Variants in PAPOLA observed in about 807,000 individuals in gnomAD.
PAPOLA encodes polynucleotide adenylyltransferase alpha.
A neutral mutation model predicts 100.6 loss-of-function variants in PAPOLA; 15 were observed. The observed-to-expected ratio is 0.15, with a 90% CI of 0.10 to 0.23. The LOEUF is 0.23. Ranked by LOEUF, PAPOLA falls within the 10% of genes least tolerant of loss-of-function variation. PAPOLA has a pLI of 1.00. For synonymous variants in PAPOLA, 293 were observed against 300.0 expected (o/e 0.98, Z 0.24); for missense variants, 533 against 884.2 (o/e 0.60, Z 5.04).
At chr14:96,510,005 G>C (rs1158852122) in intron 1 of PAPOLA, among the ~76,000 whole-genome samples, 5 of 138,344 alleles carry the variant, frequency 3.6e-5, no homozygotes, top group Non-Finnish European at 4.6e-5. Context: ...ATTGTATGTA[G>C]GCCTGCTGAA....
In PAPOLA at chr14:96,542,994, C is replaced by T. The variant is rs1900116298; in HGVS notation, c.1289+101C>T. On this transcript the variant is annotated intron_variant, in intron 14 of 21. Coordinates refer to ENST00000216277, the MANE Select transcript of PAPOLA (RefSeq NM_032632.5). Reference sequence around the variant, plus strand: ...ATAACTAGTATAACTATTCTGTTGACTACATATGGCTTATAGACAATTTAG... The same window carrying T: ...ATAACTAGTATAACTATTCTGTTGATTACATATGGCTTATAGACAATTTAG... 8.6e-6 allele frequency: 10 copies of T among 1,157,228 alleles called. 1 individual carries two copies. The South Asian group carries it at 1.1e-4, about 13-fold the overall frequency. The allele number at this position is 1,157,228 out of a possible 1,614,324, so 71.7% of individuals were successfully genotyped here.
intron 5 of PAPOLA, 45 bp downstream of exon 5, chr14:96,527,584 A>G (rs1027708021): frequency 3.9e-6 from 4 of 1,032,212 alleles, no homozygotes; most frequent in Non-Finnish European, 6.1e-6. Flanking sequence ...ATGAACATTC[A>G]TTTAGTCAGT....
chr14:96,549,325 T>C (rs1208299435), intron 16 of PAPOLA, among the ~76,000 whole-genome samples: 2 of 151,728 alleles, frequency 1.3e-5, no homozygotes, highest in African/African-American at 4.8e-5. Flanking sequence ...TTCGGCTCAC[T>C]GCAAGCTCCG....
chr14:96,526,031 T>C (rs879429318), intron 4 of PAPOLA: 3 of 152,144 alleles, frequency 2.0e-5, no homozygotes, highest in Non-Finnish European at 4.4e-5. Flanking sequence ...AGACAAATTA[T>C]AAAATATAGC....
chr14:96,506,155 C>T (rs554834217), intron 1 of PAPOLA, among the ~76,000 whole-genome samples: 4 of 152,298 alleles, frequency 2.6e-5, no homozygotes, highest in South Asian at 2.1e-4. Context: ...CCCCCCACCT[C>T]GGCCTCCCAA....
rs1483038304 is a variant in PAPOLA, at chr14:96,556,177, A to T, written c.1768A>T (p.Thr590Ser). ...ATACTCATATATTTGCTGCTTAGGT[A>T]CATCGAGTGAAAGCATTCCTCAAAC... Reference protein sequence around the residue: ...QVNSSESSGGTSSESIPQTAT... With the variant: ...QVNSSESSGGSSSESIPQTAT... Residue 590 changes from threonine (T) to serine (S), a missense_variant and splice_region_variant, in exon 19 of 22, where the codon ACA (threonine) becomes TCA (serine). By Grantham distance (58) the Thr-to-Ser change is moderately conservative. Transcript: ENST00000216277. 1.9e-6 allele frequency: 3 copies of T among 1,610,858 alleles called. No homozygotes were observed. The highest frequency in any genetic ancestry group is 2.5e-6 in the Non-Finnish European group (3 of 1,177,024).
intron 7 of PAPOLA, 29 bp downstream of exon 7, chr14:96,531,615 A>G (rs890626067): frequency 2.5e-6 from 4 of 1,575,130 alleles, no homozygotes; most frequent in Non-Finnish European, 3.5e-6. Context: ...CCTTTTGTGT[A>G]CTTCAGTTTT....
chr14:96,512,665 C>T (rs1261830211), intron 1 of PAPOLA, among the ~76,000 whole-genome samples: 1 of 152,192 alleles, frequency 6.6e-6, no homozygotes, highest in Non-Finnish European at 1.5e-5. Flanking sequence ...TCCTGATACA[C>T]ATGCTGCTAA....
At chr14:96,551,315 C>T (rs1277419533) in intron 16 of PAPOLA, among the ~76,000 whole-genome samples, 1 of 152,128 alleles carries the variant, frequency 6.6e-6, no homozygotes, top group Non-Finnish European at 1.5e-5. Context: ...TGAATAAATC[C>T]TCATATCTAG....
chr14:96,553,734 A>G (rs1220499503), intron 17 of PAPOLA, among the ~76,000 whole-genome samples: 2 of 152,082 alleles, frequency 1.3e-5, no homozygotes, highest in African/African-American at 2.4e-5. Context: ...CTGGTCTTGA[A>G]TTCCTGACCT....
At chr14:96,507,280 G>GTTTTTTTTTTTTTTTTTTTTTTTTTTTT (rs71103533) in intron 1 of PAPOLA, among the ~76,000 whole-genome samples, 4 of 80,720 alleles carry the variant, frequency 5.0e-5, no homozygotes, top group African/African-American at 1.1e-4. Context: ...TTGGAAAATA[G>GTTTTTTTTTTTTTTTTTTTTTTTTTTTT]TTTTTTTTTT....
chr14:96,528,808 T>C (rs1281579542), intron 6 of PAPOLA, among the ~76,000 whole-genome samples: 1 of 147,166 alleles, frequency 6.8e-6, no homozygotes, highest in East Asian at 1.9e-4. Context: ...CGCTCAACTC[T>C]GTATTTTATG....
At chr14:96,564,119 G>A (rs1237985314) in intron 21 of PAPOLA, among the ~76,000 whole-genome samples, 2 of 151,968 alleles carry the variant, frequency 1.3e-5, no homozygotes, top group Non-Finnish European at 2.9e-5. Context: ...TGTTAGGGGC[G>A]TACTTATTTC....
chr14:96,533,559 T>G (rs953777514), intron 9 of PAPOLA: 27 of 958,836 alleles, frequency 2.8e-5, no homozygotes, highest in Non-Finnish European at 2.3e-5. Flanking sequence ...TTTTTTTTTT[T>G]TTTTTTTTTG....
chr14:96,538,466 C>G (rs1393986421), intron 12 of PAPOLA, among the ~76,000 whole-genome samples: 1 of 151,860 alleles, frequency 6.6e-6, no homozygotes, highest in African/African-American at 2.4e-5. Context: ...TGCTTCAGTC[C>G]TTGCTGGATA....
chr14:96,508,681 G>C (rs973602535), intron 1 of PAPOLA, among the ~76,000 whole-genome samples: 3 of 152,274 alleles, frequency 2.0e-5, no homozygotes. Context: ...TATAAAGCTA[G>C]CTTCTTTCAG....
chr14:96,536,898 T>G, intron 11 of PAPOLA, 78 bp from the exon 12 acceptor site: 1 of 807,268 alleles, frequency 1.2e-6, no homozygotes. Flanking sequence ...AGTGAGTGCA[T>G]GTAGTATGAT....
chr14:96,559,674 C>G (rs4905504), intron 19 of PAPOLA, among the ~76,000 whole-genome samples: 18,816 of 148,326 alleles, frequency 0.13, 1,348 homozygotes, highest in Non-Finnish European at 0.17. Flanking sequence ...TGGAAAATTT[C>G]AAACATGTCA....
chr14:96,531,759 C>A, intron 7 of PAPOLA, 173 bp downstream of exon 7: 1 of 1,460,416 alleles, frequency 6.8e-7, no homozygotes, highest in Non-Finnish European at 9.0e-7. Context: ...GTTTATTTCA[C>A]TCTACAGTAT....
Sources: allele counts gnomAD v4.1 joint callset (sites outside exome capture counted in the v4.1 genomes callset), GRCh38; gene constraint gnomAD v4.1.1; transcripts MANE v1.5; gene names NCBI Gene and HGNC (gene_info 2026-07-23, HGNC 2026-07-21).